The following AGMO variants were observed in gnomAD, a reference collection of about 807,000 sequenced individuals.
AGMO encodes the protein alkylglycerol monooxygenase.
A neutral mutation model predicts 60.2 loss-of-function variants in AGMO; 75 were observed. The ratio of observed to expected loss-of-function variants is 1.25; its 90% confidence interval spans 1.03 to 1.51. AGMO has a LOEUF of 1.51. AGMO is among the 40% of genes most tolerant of loss of function. The pLI is 0.00. For missense variants in AGMO, 763 were observed against 525.5 expected (o/e 1.45, Z -4.42); for synonymous variants, 261 against 177.1 (o/e 1.47, Z -3.76).
chr7:15,556,220 T>G (rs1044939761), intron 2 of AGMO, among the ~76,000 whole-genome samples: 1 of 6,174 alleles, frequency 1.6e-4, no homozygotes, highest in Non-Finnish European at 3.1e-4. Context: ...TCCTTTTTAG[T>G]TTTTTTTTTT....
At chr7:15,266,210 T>TA (rs935856559) in intron 12 of AGMO, among the ~76,000 whole-genome samples, 1 of 152,060 alleles carries the variant, frequency 6.6e-6, no homozygotes, top group African/African-American at 2.4e-5. Context: ...TATTGTTTAA[T>TA]AGGTATTGTT....
intron 12 of AGMO, among the ~76,000 whole-genome samples, chr7:15,345,345 G>C (rs1781996268): frequency 6.6e-6 from 1 of 152,038 alleles, no homozygotes; most frequent in Non-Finnish European, 1.5e-5. Context: ...TCACCTCCTG[G>C]CCTAAGACCA....
At chr7:15,139,455 T>C in the AGMO span, among the ~76,000 whole-genome samples, 1 of 152,136 alleles carries the variant, frequency 6.6e-6, no homozygotes, top group Admixed American at 6.6e-5. Flanking sequence ...GATTATTTTG[T>C]CTCCCAGGTA....
intron 12 of AGMO, among the ~76,000 whole-genome samples, chr7:15,336,640 AATATGGGCTGTTAT>A (rs1404186509): frequency 6.6e-6 from 1 of 152,200 alleles, no homozygotes; most frequent in Non-Finnish European, 1.5e-5. Flanking sequence ...TAGATTGTAG[AATATGGGCTGTTAT>A]ATTCATCAAG....
At chr7:15,312,667 G>A (rs973719274) in intron 12 of AGMO, among the ~76,000 whole-genome samples, 2 of 151,988 alleles carry the variant, frequency 1.3e-5, no homozygotes, top group African/African-American at 4.8e-5. Flanking sequence ...ACTGCTATCA[G>A]ACACTCACTA....
At chr7:15,176,019 T>C in the AGMO span, among the ~76,000 whole-genome samples, 1 of 151,832 alleles carries the variant, frequency 6.6e-6, no homozygotes, top group African/African-American at 2.4e-5. Context: ...ATACAAAGAG[T>C]AGCGATGTAA....
At chr7:15,224,155 T>C (rs975747816) in intron 12 of AGMO, among the ~76,000 whole-genome samples, 3 of 151,776 alleles carry the variant, frequency 2.0e-5, no homozygotes, top group Non-Finnish European at 4.4e-5. Flanking sequence ...GTTTCCAGAG[T>C]TCTGGAATCA....
At chr7:15,218,637 T>A (rs1266462365) in intron 12 of AGMO, among the ~76,000 whole-genome samples, 1 of 151,982 alleles carries the variant, frequency 6.6e-6, no homozygotes, top group Admixed American at 6.6e-5. Context: ...TTTGAAAAAA[T>A]ATATAGTTTA....
the AGMO span, among the ~76,000 whole-genome samples, chr7:15,189,982 T>C: frequency 6.6e-6 from 1 of 150,720 alleles, no homozygotes; most frequent in Admixed American, 6.6e-5. Context: ...CCTTCCCTGC[T>C]GTTCCAAGGA....
intron 3 of AGMO, among the ~76,000 whole-genome samples, chr7:15,431,416 T>TG (rs1306619615): frequency 6.6e-6 from 1 of 151,910 alleles, no homozygotes; most frequent in Admixed American, 6.6e-5. Context: ...TATTATAATA[T>TG]GACAGATTAT....
At chr7:15,485,264 C>A (rs1020525595) in intron 3 of AGMO, among the ~76,000 whole-genome samples, 10 of 151,278 alleles carry the variant, frequency 6.6e-5, no homozygotes, top group Non-Finnish European at 1.3e-4. Context: ...TTGCAGTGAG[C>A]CGAGATCATG....
the AGMO span, among the ~76,000 whole-genome samples, chr7:15,177,899 C>T: frequency 1.3e-5 from 2 of 152,108 alleles, no homozygotes; most frequent in African/African-American, 4.8e-5. Flanking sequence ...TCTTTTATGA[C>T]TCCGATGTCC....
the AGMO span, among the ~76,000 whole-genome samples, chr7:15,171,371 T>C: frequency 2.0e-5 from 3 of 152,214 alleles, no homozygotes; most frequent in Non-Finnish European, 4.4e-5. Flanking sequence ...ACATGACTTA[T>C]CACTGTTGAT....
chr7:15,513,177 G>A (rs980935750), intron 3 of AGMO, among the ~76,000 whole-genome samples: 2 of 152,128 alleles, frequency 1.3e-5, no homozygotes, highest in African/African-American at 2.4e-5. Flanking sequence ...TGTGCCTGAT[G>A]TTCTTTGATA....
chr7:15,465,234 A>T (rs1009017458), intron 3 of AGMO, among the ~76,000 whole-genome samples: 5 of 151,858 alleles, frequency 3.3e-5, no homozygotes, highest in Non-Finnish European at 7.4e-5. Flanking sequence ...GGACCAACCC[A>T]TGCCACTCCC....
the AGMO span, among the ~76,000 whole-genome samples, chr7:15,190,475 A>G: frequency 2.0e-5 from 3 of 152,080 alleles, no homozygotes; most frequent in Admixed American, 1.3e-4. Context: ...GAGGTAGAAG[A>G]AATGGAAGTA....
At chr7:15,142,013 T>G in the AGMO span, among the ~76,000 whole-genome samples, 3 of 152,278 alleles carry the variant, frequency 2.0e-5, no homozygotes, top group African/African-American at 7.2e-5. Flanking sequence ...CTTTTGCTAA[T>G]TCTCAGAGTC....
intron 2 of AGMO, among the ~76,000 whole-genome samples, chr7:15,557,123 C>T (rs1484606410): frequency 1.3e-5 from 2 of 151,886 alleles, no homozygotes; most frequent in South Asian, 2.1e-4. Context: ...TTTATGTAAT[C>T]CTGAAATTAA....
intron 12 of AGMO, among the ~76,000 whole-genome samples, chr7:15,268,800 C>T (rs1783510707): frequency 6.6e-6 from 1 of 151,782 alleles, no homozygotes; most frequent in Non-Finnish European, 1.5e-5. Context: ...GGCAGGTGGA[C>T]TAGACAATGT....
Sources: allele counts gnomAD v4.1 joint callset (sites outside exome capture counted in the v4.1 genomes callset), GRCh38; gene constraint gnomAD v4.1.1; transcripts MANE v1.5; gene names NCBI Gene and HGNC (gene_info 2026-07-23, HGNC 2026-07-21).